The following C3orf33 variants were observed in gnomAD, a reference collection of about 807,000 sequenced individuals.
C3orf33 encodes the protein AP-1 activity suppressor.
Under a neutral mutation model 28.7 loss-of-function variants are expected in C3orf33, and 23 were observed. That is an observed-to-expected ratio of 0.80 (90% CI 0.58 to 1.13). C3orf33 has a LOEUF of 1.13. Among genes scored for constraint, C3orf33 ranks in the 50% most tolerant of loss-of-function variants. C3orf33 has a pLI of 0.00. For missense variants in C3orf33, 327 were observed against 353.4 expected (o/e 0.93, Z 0.60); for synonymous variants, 119 against 120.5 (o/e 0.99, Z 0.08).
At chr3:155,799,930 G>A (rs1202951156) in intron 2 of C3orf33, among the ~76,000 whole-genome samples, 1 of 151,924 alleles carries the variant, frequency 6.6e-6, no homozygotes, top group East Asian at 1.9e-4. Context: ...GGGTAGCTGG[G>A]GATGAGCAAG....
chr3:155,787,613 A>C lies in C3orf33; in HGVS notation c.175-11765T>G, dbSNP rs980767491. ...GCAATCCGTCTGCCTCAGCCTCCCA[A>C]AGTGCTATGATTACAGGCGTGAGCC... On this transcript the variant is annotated intron_variant, in intron 2 of 4. Transcript: ENST00000340171. Among the ~76,000 whole-genome samples the C allele has an allele frequency of 3.3e-5, 5 of 151,562 alleles. No homozygotes were observed. In the East Asian group the frequency reaches 9.7e-4, roughly 30 times the overall value.
chr3:155,794,006 G>A (rs1376233969), intron 2 of C3orf33, among the ~76,000 whole-genome samples: 1 of 150,652 alleles, frequency 6.6e-6, no homozygotes, highest in East Asian at 2.0e-4. Flanking sequence ...TTTTGAGACA[G>A]AGTCTCACTC....
At chr3:155,779,412 A>G (rs898622752) in intron 2 of C3orf33, among the ~76,000 whole-genome samples, 2 of 152,100 alleles carry the variant, frequency 1.3e-5, no homozygotes, top group Non-Finnish European at 2.9e-5. Flanking sequence ...CTCCTGCTGC[A>G]GCCTCCTGAG....
In C3orf33 at chr3:155,794,315, G is replaced by T. The variant is rs145498000; in HGVS notation, c.174+8217C>A. Among the ~76,000 whole-genome samples the T allele has an allele frequency of 4.9e-3, 745 of 151,988 alleles. 5 individuals are homozygous for T. Among genetic ancestry groups the T allele is most frequent in the African/African-American group, 0.017 (703 of 41,474 alleles). On this transcript the variant is annotated intron_variant, in intron 2 of 4. Coordinates refer to ENST00000340171, the MANE Select transcript of C3orf33 (RefSeq NM_001308229.2). ...TGTTTATGCAATCAATGTTGTCATC[G>T]GTTTAAAATAACAGGTGATAAGATA...
At position 155,799,583 on chromosome 3, in the gene C3orf33, G is replaced by T. The variant is rs576202253; in HGVS notation, c.174+2949C>A. Among the ~76,000 whole-genome samples the T allele has an allele frequency of 4.2e-4, 64 of 152,238 alleles. 1 individual carries two copies. Among genetic ancestry groups the T allele is most frequent in the Non-Finnish European group, 7.5e-4 (51 of 68,000 alleles). On this transcript the variant is annotated intron_variant, in intron 2 of 4. Coordinates refer to ENST00000340171, the MANE Select transcript of C3orf33 (RefSeq NM_001308229.2). Reference sequence around the variant, plus strand: ...TCACACCTGTGGTCCCAGCTACTCAGGAGGCTGACATGAGAGGATCGCTTG... The same window carrying T: ...TCACACCTGTGGTCCCAGCTACTCATGAGGCTGACATGAGAGGATCGCTTG...
At chr3:155,790,642 G>A (rs758465603) in intron 2 of C3orf33, among the ~76,000 whole-genome samples, 1 of 152,176 alleles carries the variant, frequency 6.6e-6, no homozygotes, top group Non-Finnish European at 1.5e-5. Context: ...CATGGAGGGA[G>A]AATCTATGCA....
intron 2 of C3orf33, among the ~76,000 whole-genome samples, chr3:155,801,492 A>G (rs1056587667): frequency 6.6e-6 from 1 of 152,196 alleles, no homozygotes; most frequent in East Asian, 1.9e-4. Flanking sequence ...CAACAAATGA[A>G]CAGAAAAGCA....
chr3:155,785,720 G>A (rs1751079937), intron 2 of C3orf33, among the ~76,000 whole-genome samples: 1 of 152,112 alleles, frequency 6.6e-6, no homozygotes, highest in Non-Finnish European at 1.5e-5. Context: ...ATGTGTAACT[G>A]TAAATGCTTA....
chr3:155,794,041 T>C (rs1263855756), intron 2 of C3orf33, among the ~76,000 whole-genome samples: 1 of 151,744 alleles, frequency 6.6e-6, no homozygotes, highest in Non-Finnish European at 1.5e-5. Flanking sequence ...TGGAGTGCAG[T>C]GGTGCAACCT....
rs193218206 is a variant in C3orf33 at position 155,770,781 on chromosome 3, C to T, written c.323-3112G>A. 5.1e-4 allele frequency among the ~76,000 whole-genome samples: 78 copies of T among 152,042 alleles called. 1 individual carries two copies. In the East Asian group the frequency reaches 0.015, roughly 29 times the overall value. ...CCTCAAGTGATTCTCCTGCCTCAGC[C>T]TCCTGAGTAGCTGGAATTACAAGCG... is the stretch of plus-strand genomic sequence containing the variant. On this transcript the variant is annotated intron_variant, in intron 3 of 4. Coordinates refer to ENST00000340171, the MANE Select transcript of C3orf33 (RefSeq NM_001308229.2).
intron 3 of C3orf33, among the ~76,000 whole-genome samples, chr3:155,769,749 AG>A (rs1470467345): frequency 1.3e-5 from 2 of 152,172 alleles, no homozygotes; most frequent in African/African-American, 4.8e-5. Flanking sequence ...TCAAATTCCC[AG>A]GAAAATAGGG....
rs917255566 is a variant in C3orf33 at position 155,806,272 on chromosome 3, C to T, written c.-20G>A. 7.2e-7 allele frequency: 1 copy of T among 1,395,618 alleles called. No individual in the cohort carries two copies. Among genetic ancestry groups the T allele is most frequent in the Non-Finnish European group, 9.4e-7 (1 of 1,066,170 alleles). The allele number at this position is 1,395,618 out of a possible 1,614,324, so 86.5% of individuals were successfully genotyped here. ...CGCCATGTTCCCGGCCTCCTGCGAG[C>T]GGCCCTGAGCTCCTCCGGCTGGCGG... On this transcript the variant is annotated 5_prime_UTR_variant, in exon 1 of 5. Transcript: ENST00000340171.
At chr3:155,780,628 G>C (rs1750889910) in intron 2 of C3orf33, among the ~76,000 whole-genome samples, 2 of 152,142 alleles carry the variant, frequency 1.3e-5, no homozygotes, top group Admixed American at 6.5e-5. Flanking sequence ...AATACAAAAA[G>C]AACACTGAAG....
At chr3:155,767,875 A>T (rs1200146782) in intron 3 of C3orf33, among the ~76,000 whole-genome samples, 1 of 151,104 alleles carries the variant, frequency 6.6e-6, no homozygotes, top group Non-Finnish European at 1.5e-5. Context: ...TCAAAAACTC[A>T]TTTTTTTTTC....
intron 2 of C3orf33, among the ~76,000 whole-genome samples, chr3:155,789,774 C>T (rs895491906): frequency 1.3e-5 from 2 of 152,086 alleles, no homozygotes; most frequent in African/African-American, 2.4e-5. Flanking sequence ...GATAGACATA[C>T]AGATCAATGG....
At chr3:155,805,436 C>T (rs1031324105) in intron 1 of C3orf33, among the ~76,000 whole-genome samples, 31 of 151,226 alleles carry the variant, frequency 2.0e-4, no homozygotes, top group Non-Finnish European at 3.0e-4. Context: ...GCACTCCAGG[C>T]GTGACAGAGG....
intron 3 of C3orf33, among the ~76,000 whole-genome samples, chr3:155,774,666 C>CTTTTT (rs62815064): frequency 4.2e-5 from 4 of 95,244 alleles, no homozygotes; most frequent in Non-Finnish European, 4.1e-5. Flanking sequence ...TATTGTTTTG[C>CTTTTT]TTTTTTTTTT....
At chr3:155,787,253 C>T (rs149424328) in intron 2 of C3orf33, among the ~76,000 whole-genome samples, 118 of 151,886 alleles carry the variant, frequency 7.8e-4, no homozygotes, top group Non-Finnish European at 1.3e-3. Context: ...GACTGGAGTG[C>T]GGTGGCTTGA....
intron 3 of C3orf33, among the ~76,000 whole-genome samples, chr3:155,774,504 T>C (rs1461178511): frequency 3.3e-5 from 5 of 151,990 alleles, no homozygotes; most frequent in African/African-American, 9.7e-5. Context: ...TCTGGGTGCT[T>C]TGATGTGAAG....
Sources: gnomAD v4.1 joint callset for allele counts (sites outside exome capture counted in the v4.1 genomes callset) on GRCh38, gnomAD v4.1.1 for gene constraint, MANE v1.5 for transcripts, NCBI Gene and HGNC (gene_info 2026-07-23, HGNC 2026-07-21) for gene names.